Variants in CCDC7 observed in about 807,000 individuals in gnomAD.
CCDC7 encodes coiled-coil domain containing 7, also known as coiled-coil domain-containing protein 7.
In CCDC7, 183 loss-of-function variants were observed where a neutral mutation model predicts 196.9. The ratio of observed to expected loss-of-function variants is 0.93; its 90% CI spans 0.82 to 1.05. The LOEUF is 1.05. Ranked by LOEUF, CCDC7 falls within the 50% of genes least tolerant of loss-of-function variation. The pLI is 0.00. For missense variants in CCDC7, 1,540 were observed against 1,482.2 expected (o/e 1.04, Z -0.64); for synonymous variants, 525 against 484.6 (o/e 1.08, Z -1.10).
intron 31 of CCDC7, among the ~76,000 whole-genome samples, chr10:32,819,353 C>G (rs1283737563): frequency 1.3e-5 from 2 of 152,128 alleles, no homozygotes; most frequent in African/African-American, 4.8e-5. Flanking sequence ...AGTCCAGGAC[C>G]AGATGGATTC....
chr10:32,713,663 A>G (rs577432083), intron 25 of CCDC7, among the ~76,000 whole-genome samples: 1 of 152,326 alleles, frequency 6.6e-6, no homozygotes, highest in South Asian at 2.1e-4. Flanking sequence ...ATGGCTCACT[A>G]TCTATTGGGG....
chr10:32,544,405 T>A, intron 13 of CCDC7, 104 bp downstream of exon 14: 1 of 1,171,262 alleles, frequency 8.5e-7, no homozygotes, highest in Non-Finnish European at 1.2e-6. Flanking sequence ...GGTATATATG[T>A]CTGTGTGTGT....
At chr10:32,823,647 T>A (rs761740129) in intron 31 of CCDC7, among the ~76,000 whole-genome samples, 14 of 152,196 alleles carry the variant, frequency 9.2e-5, no homozygotes, top group Non-Finnish European at 1.3e-4. Context: ...AAAACCAACT[T>A]TGACACAAAA....
At chr10:32,662,750 A>T (rs557369071) in intron 20 of CCDC7, among the ~76,000 whole-genome samples, 2 of 152,272 alleles carry the variant, frequency 1.3e-5, no homozygotes, top group South Asian at 4.1e-4. Flanking sequence ...TTCAGTTAAG[A>T]TCTGGATTGT....
intron 20 of CCDC7, among the ~76,000 whole-genome samples, chr10:32,660,125 C>CT (rs1190072188): frequency 8.4e-4 from 124 of 148,138 alleles, no homozygotes; most frequent in African/African-American, 2.8e-3. Flanking sequence ...TTTTTTTTTT[C>CT]TTTTTTTTTA....
chr10:32,861,449 G>A (rs1254341686), intron 41 of CCDC7, among the ~76,000 whole-genome samples: 1 of 152,042 alleles, frequency 6.6e-6, no homozygotes, highest in African/African-American at 2.4e-5. Context: ...TTAAACGTAA[G>A]ACCTAAAACC....
At chr10:32,777,422 G>A (rs1367780773) in intron 28 of CCDC7, among the ~76,000 whole-genome samples, 1 of 152,118 alleles carries the variant, frequency 6.6e-6, no homozygotes, top group African/African-American at 2.4e-5. Context: ...GAGTCAAATG[G>A]TATTTCAACT....
chr10:32,709,937 G>C (rs1215967431), intron 24 of CCDC7, among the ~76,000 whole-genome samples: 2 of 152,146 alleles, frequency 1.3e-5, no homozygotes, highest in Non-Finnish European at 2.9e-5. Context: ...TCACCAGTAT[G>C]GTTTGTGGGT....
chr10:32,552,489 A>G (rs73253438), intron 13 of CCDC7, among the ~76,000 whole-genome samples: 8,078 of 152,008 alleles, frequency 0.053, 712 homozygotes, highest in African/African-American at 0.18. Context: ...TTGCTTTTTA[A>G]CTTGTATTTA....
chr10:32,587,202 A>G (rs768863438), intron 18 of CCDC7, among the ~76,000 whole-genome samples: 2 of 152,182 alleles, frequency 1.3e-5, no homozygotes, highest in African/African-American at 2.4e-5. Context: ...TCATTAAGCA[A>G]TAACTCTCAT....
At chr10:32,723,481 C>T (rs964667370) in intron 25 of CCDC7, among the ~76,000 whole-genome samples, 12 of 152,066 alleles carry the variant, frequency 7.9e-5, no homozygotes, top group Admixed American at 2.0e-4. Context: ...AACAGGGAAG[C>T]TATATACATT....
At chr10:32,596,837 A>C (rs1365844886) in intron 18 of CCDC7, among the ~76,000 whole-genome samples, 1 of 152,156 alleles carries the variant, frequency 6.6e-6, no homozygotes, top group South Asian at 2.1e-4. Context: ...TTTCTTTAAG[A>C]ATGTTGAATA....
At chr10:32,761,685 A>G (rs748055281) in intron 28 of CCDC7, among the ~76,000 whole-genome samples, 1 of 152,016 alleles carries the variant, frequency 6.6e-6, no homozygotes, top group Non-Finnish European at 1.5e-5. Context: ...TCATCCTGTG[A>G]GTGGCTGAAT....
chr10:32,828,659 G>A (rs1462124654), intron 32 of CCDC7, among the ~76,000 whole-genome samples: 1 of 152,148 alleles, frequency 6.6e-6, no homozygotes, highest in Non-Finnish European at 1.5e-5. Context: ...GCCTTTTGAA[G>A]TCACAATTAC....
intron 18 of CCDC7, among the ~76,000 whole-genome samples, chr10:32,607,775 G>A (rs187766131): frequency 1.3e-5 from 2 of 152,106 alleles, no homozygotes. Flanking sequence ...AGGGGTTTTG[G>A]CCTATAGTTT....
intron 13 of CCDC7, among the ~76,000 whole-genome samples, chr10:32,556,432 A>C (rs2054357453): frequency 6.6e-6 from 1 of 152,146 alleles, no homozygotes; most frequent in South Asian, 2.1e-4. Flanking sequence ...TCTCATTGAA[A>C]CATAGAAATT....
Position 32,868,543 on chromosome 10 carries a change from C to G in CCDC7, c.4112-7804C>G, listed in dbSNP as rs371743041. On this transcript the variant is annotated intron_variant, in intron 41 of 41. Coordinates refer to ENST00000639629, the Ensembl canonical transcript of CCDC7. ...GTAGTGTAGTGTTTTCAAGATTCAT[C>G]TATGTTTTAGCATTTATCAGCACAT... Among the ~76,000 whole-genome samples, 18 of 151,736 alleles carry G rather than the reference C, an allele frequency of 1.2e-4. No individual in the cohort carries two copies. In the East Asian group the frequency reaches 2.7e-3, roughly 23 times the overall value.
At chr10:32,647,480 A>G (rs1047432654) in intron 20 of CCDC7, among the ~76,000 whole-genome samples, 1 of 151,908 alleles carries the variant, frequency 6.6e-6, no homozygotes, top group African/African-American at 2.4e-5. Context: ...ACTTTTCTCC[A>G]CAGCCTTACC....
chr10:32,489,619 G>C (rs769437963), intron 8 of CCDC7, among the ~76,000 whole-genome samples: 1 of 152,178 alleles, frequency 6.6e-6, no homozygotes, highest in Non-Finnish European at 1.5e-5. Context: ...AGCAACAGTG[G>C]TTCCAGGATT....
Sources: gnomAD v4.1 joint callset for allele counts (sites outside exome capture counted in the v4.1 genomes callset) on GRCh38, gnomAD v4.1.1 for gene constraint, MANE v1.5 for transcripts, NCBI Gene and HGNC (gene_info 2026-07-23, HGNC 2026-07-21) for gene names.